The following GARIN1A variants were observed in gnomAD, a reference collection of about 807,000 sequenced individuals.
The protein encoded by GARIN1A is golgi associated RAB2 interactor 1A.
the GARIN1A span, among the ~76,000 whole-genome samples, chr7:128,688,976 T>G: frequency 1.3e-5 from 2 of 151,416 alleles, no homozygotes; most frequent in Admixed American, 6.6e-5. Context: ...GGTTTTCGTA[T>G]TTTTTTGGTG....
At chr7:128,694,792 C>T in the GARIN1A span, among the ~76,000 whole-genome samples, 1 of 152,106 alleles carries the variant, frequency 6.6e-6, no homozygotes, top group Admixed American at 6.5e-5. Context: ...GAAATGAAGA[C>T]TAAATATATT....
At chr7:128,691,843 TC>T in the GARIN1A span, 1 of 152,324 alleles carries the variant, frequency 6.6e-6, no homozygotes, top group Non-Finnish European at 1.5e-5. Flanking sequence ...CTCTCCTGTA[TC>T]CAGTAACCAC....
At chr7:128,695,796 G>A in the GARIN1A span, among the ~76,000 whole-genome samples, 3 of 151,696 alleles carry the variant, frequency 2.0e-5, no homozygotes, top group Admixed American at 1.3e-4. This position sits in a 1 kb window ranked among gnomAD's most constrained non-coding sequence, Gnocchi z 4.5. Context: ...TGTCCGCCTC[G>A]GCCTCCCAAA....
At chr7:128,672,204 G>C in the GARIN1A span, 1 of 489,288 alleles carries the variant, frequency 2.0e-6, no homozygotes, top group South Asian at 3.7e-5. Flanking sequence ...CTTTTCTGTT[G>C]TCACCATCAC....
chr7:128,705,749 C>G, the GARIN1A span, among the ~76,000 whole-genome samples: 1 of 149,756 alleles, frequency 6.7e-6, no homozygotes, highest in African/African-American at 2.5e-5. Context: ...ACTGCAACCT[C>G]CACCTCCCGG....
the GARIN1A span, among the ~76,000 whole-genome samples, chr7:128,680,464 A>G: frequency 1.3e-5 from 2 of 152,076 alleles, no homozygotes; most frequent in South Asian, 2.1e-4. Context: ...GCTATTGACT[A>G]TTTCCAATCC....
chr7:128,705,143 G>A, the GARIN1A span, among the ~76,000 whole-genome samples: 1 of 152,238 alleles, frequency 6.6e-6, no homozygotes, highest in Non-Finnish European at 1.5e-5. Context: ...CTCACCTGCT[G>A]AAGGACATCT....
At chr7:128,677,934 T>A in the GARIN1A span, 1 of 862,104 alleles carries the variant, frequency 1.2e-6, no homozygotes, top group Non-Finnish European at 1.7e-6. Flanking sequence ...TAAATATCAT[T>A]TTGATAATTT....
chr7:128,704,535 C>A, the GARIN1A span, among the ~76,000 whole-genome samples: 1 of 152,034 alleles, frequency 6.6e-6, no homozygotes, highest in African/African-American at 2.4e-5. Context: ...AAACTCCTGA[C>A]TTCAGGTAAT....
the GARIN1A span, among the ~76,000 whole-genome samples, chr7:128,704,948 A>G: frequency 1.3e-5 from 2 of 152,224 alleles, no homozygotes; most frequent in Non-Finnish European, 2.9e-5. Context: ...CAAATAAGGA[A>G]CCATCATGAG....
chr7:128,694,245 A>C, the GARIN1A span, among the ~76,000 whole-genome samples: 1 of 151,948 alleles, frequency 6.6e-6, no homozygotes, highest in Admixed American at 6.6e-5. Flanking sequence ...AAAAGCAAGA[A>C]CTCTGGCCGA....
the GARIN1A span, chr7:128,691,039 G>A: frequency 1.3e-5 from 2 of 152,098 alleles, no homozygotes; most frequent in African/African-American, 2.4e-5. Context: ...TATTAACTCT[G>A]AGAGGAAGAA....
At chr7:128,688,853 C>T in the GARIN1A span, among the ~76,000 whole-genome samples, 7 of 139,844 alleles carry the variant, frequency 5.0e-5, no homozygotes, top group Non-Finnish European at 7.7e-5. Flanking sequence ...GATGCCGAGC[C>T]GAAGCTGGAC....
chr7:128,684,175 G>A, the GARIN1A span: 1 of 152,276 alleles, frequency 6.6e-6, no homozygotes, highest in Non-Finnish European at 1.5e-5. Flanking sequence ...GGCTGGCTTG[G>A]AAAGGGCCTC....
the GARIN1A span, among the ~76,000 whole-genome samples, chr7:128,689,330 G>T: frequency 6.7e-6 from 1 of 149,748 alleles, no homozygotes. Flanking sequence ...ACCTCTTACC[G>T]GCCGCCATCC....
the GARIN1A span, among the ~76,000 whole-genome samples, chr7:128,681,884 C>G: frequency 5.7e-5 from 8 of 139,178 alleles, 1 homozygote; most frequent in African/African-American, 1.7e-4. Context: ...ACACTGCACC[C>G]CCCCCCACAA....
At chr7:128,681,256 T>C in the GARIN1A span, among the ~76,000 whole-genome samples, 3 of 152,172 alleles carry the variant, frequency 2.0e-5, no homozygotes, top group Admixed American at 6.5e-5. Context: ...CCTGAACTTA[T>C]CACATCTTCT....
At chr7:128,702,666 T>C in the GARIN1A span, among the ~76,000 whole-genome samples, 1,886 of 152,204 alleles carry the variant, frequency 0.012, 17 homozygotes, top group Non-Finnish European at 0.02. Flanking sequence ...TAGAAAACAG[T>C]GATCAATATG....
At chr7:128,708,684 G>A in the GARIN1A span, among the ~76,000 whole-genome samples, 2 of 152,104 alleles carry the variant, frequency 1.3e-5, no homozygotes, top group Admixed American at 1.3e-4. Flanking sequence ...TTATTATCAG[G>A]CTATCTCCAG....
Sources: gnomAD v4.1 joint callset for allele counts (sites outside exome capture counted in the v4.1 genomes callset) on GRCh38, gnomAD v4.1.1 for gene constraint, Gnocchi (gnomAD v3.1) non-coding constraint, MANE v1.5 for transcripts, NCBI Gene and HGNC (gene_info 2026-07-23, HGNC 2026-07-21) for gene names.